NRXN3: variants seen among roughly 807,000 people sequenced by gnomAD.
NRXN3 encodes neurexin 3.
Under a neutral mutation model 137.6 loss-of-function variants are expected in NRXN3, and 32 were observed. That is an observed-to-expected ratio of 0.23 (90% confidence interval 0.18 to 0.31). The LOEUF (loss-of-function observed/expected upper bound fraction) is 0.31, where lower values mean the gene tolerates loss of function less well. Ranked by LOEUF, NRXN3 falls within the 10% of genes least tolerant of loss-of-function variation. The pLI is 1.00. For synonymous variants in NRXN3, 798 were observed against 784.5 expected (o/e 1.02, Z -0.29); for missense variants, 1,574 against 2,062.5 (o/e 0.76, Z 4.59).
intron 16 of NRXN3, among the ~76,000 whole-genome samples, chr14:79,637,342 A>G (rs894536324): frequency 4.6e-5 from 7 of 152,204 alleles, no homozygotes; most frequent in African/African-American, 1.7e-4. Flanking sequence ...GTTCATAATC[A>G]GGGTGTCCTG....
At chr14:79,205,456 C>T (rs185653552) in intron 15 of NRXN3, among the ~76,000 whole-genome samples, 1 of 152,076 alleles carries the variant, frequency 6.6e-6, no homozygotes, top group Non-Finnish European at 1.5e-5. Flanking sequence ...TGAACTGCTG[C>T]CTAAAAAGTT....
At chr14:78,178,226 G>T (rs2153344963) in intron 1 of NRXN3, among the ~76,000 whole-genome samples, 1 of 152,292 alleles carries the variant, frequency 6.6e-6, no homozygotes, top group East Asian at 1.9e-4. Context: ...CTGTCCTCTG[G>T]TTCCGCAAGT....
chr14:79,334,137 C>A (rs764845643), intron 15 of NRXN3, among the ~76,000 whole-genome samples: 3 of 152,064 alleles, frequency 2.0e-5, no homozygotes, highest in Non-Finnish European at 2.9e-5. Context: ...GGGCTAAAAA[C>A]AATATAAACT....
chr14:78,831,540 A>C (rs1424973057), intron 10 of NRXN3, among the ~76,000 whole-genome samples: 2 of 146,714 alleles, frequency 1.4e-5, no homozygotes, highest in Admixed American at 6.7e-5. Context: ...ATGTCAAAAA[A>C]AAAAAAAAAA....
chr14:79,157,766 T>C (rs769743971), intron 15 of NRXN3, among the ~76,000 whole-genome samples: 21 of 151,940 alleles, frequency 1.4e-4, no homozygotes, highest in Non-Finnish European at 2.5e-4. Flanking sequence ...CTAGGTACTT[T>C]GTTGGGAAGG....
chr14:78,811,736 A>G (rs116614879), intron 10 of NRXN3, among the ~76,000 whole-genome samples: 2,889 of 152,284 alleles, frequency 0.019, 95 homozygotes, highest in African/African-American at 0.065. Flanking sequence ...ATAAAGCCCA[A>G]TTCTACTTTT....
At chr14:79,641,823 T>C (rs2098435357) in intron 16 of NRXN3, among the ~76,000 whole-genome samples, 1 of 135,396 alleles carries the variant, frequency 7.4e-6, no homozygotes, top group Admixed American at 7.8e-5. Context: ...ATTTTGCAGG[T>C]CAATCTGCTT....
intron 17 of NRXN3, among the ~76,000 whole-genome samples, chr14:79,668,213 C>T (rs1370232054): frequency 1.3e-5 from 2 of 152,072 alleles, no homozygotes; most frequent in East Asian, 3.9e-4. Flanking sequence ...CATTAGAAAA[C>T]TCTCTTTATA....
At chr14:78,333,268 C>T (rs796496004) in intron 4 of NRXN3, among the ~76,000 whole-genome samples, 22 of 152,220 alleles carry the variant, frequency 1.4e-4, no homozygotes, top group African/African-American at 5.1e-4. Context: ...GGGAAATATA[C>T]AGTAAGGGAG....
chr14:78,722,420 G>A (rs2098464318), intron 8 of NRXN3, among the ~76,000 whole-genome samples: 1 of 152,214 alleles, frequency 6.6e-6, no homozygotes, highest in Non-Finnish European at 1.5e-5. Flanking sequence ...TAATTGAAAT[G>A]CTGCTAAATT....
intron 15 of NRXN3, among the ~76,000 whole-genome samples, chr14:79,003,783 C>T (rs1473031924): frequency 1.3e-5 from 2 of 152,166 alleles, no homozygotes; most frequent in Admixed American, 1.3e-4. Context: ...CTCCCTGTTA[C>T]TCAGGGGTGC....
At chr14:79,167,571 C>CT in intron 15 of NRXN3, among the ~76,000 whole-genome samples, 1 of 151,966 alleles carries the variant, frequency 6.6e-6, no homozygotes, top group Non-Finnish European at 1.5e-5. Flanking sequence ...ATCTGTTCTG[C>CT]TTTTTTAAAA....
intron 19 of NRXN3, among the ~76,000 whole-genome samples, chr14:79,779,115 T>C (rs2099106226): frequency 6.6e-6 from 1 of 152,208 alleles, no homozygotes; most frequent in South Asian, 2.1e-4. Context: ...ATTGTTGTTG[T>C]TGTTGTTTTC....
intron 16 of NRXN3, among the ~76,000 whole-genome samples, chr14:79,549,948 T>C (rs1365896965): frequency 6.9e-6 from 1 of 144,098 alleles, no homozygotes; most frequent in Non-Finnish European, 1.5e-5. Flanking sequence ...AGGTTACTTC[T>C]CATATTGTTG....
At chr14:78,292,923 G>T (rs1479602998) in intron 3 of NRXN3, among the ~76,000 whole-genome samples, 1 of 152,250 alleles carries the variant, frequency 6.6e-6, no homozygotes, top group Non-Finnish European at 1.5e-5. Flanking sequence ...CATGCATTTT[G>T]ACCCCGTTTC....
intron 10 of NRXN3, among the ~76,000 whole-genome samples, chr14:78,942,591 G>A (rs1053577482): frequency 5.3e-5 from 8 of 152,088 alleles, no homozygotes; most frequent in Admixed American, 1.3e-4. Context: ...GAAATAAAAC[G>A]TAGAACAGAG....
At chr14:79,079,310 T>C (rs2046496249) in intron 15 of NRXN3, among the ~76,000 whole-genome samples, 2 of 152,206 alleles carry the variant, frequency 1.3e-5, no homozygotes, top group South Asian at 4.1e-4. Context: ...AAAACTGTCA[T>C]AGTAAAATAC....
chr14:79,866,457 A>C lies in NRXN3; in HGVS notation c.*4493A>C. ...GTGACATTTTGGTAAACCTTGGAAAACTGATAGGCAGAAATAAGGGCTGTA... is the reference window on the plus strand; with the variant it reads ...GTGACATTTTGGTAAACCTTGGAAACCTGATAGGCAGAAATAAGGGCTGTA... On this transcript the variant is annotated 3_prime_UTR_variant, in exon 21 of 21. Transcript: ENST00000335750. 1 of 152,150 alleles carries C rather than the reference A, an allele frequency of 6.6e-6. No homozygotes were observed. Among genetic ancestry groups the C allele is most frequent in the African/African-American group, 2.4e-5 (1 of 41,432 alleles). 9.4% of individuals were successfully genotyped at this position (152,150 alleles called of 1,614,324 possible).
intron 4 of NRXN3, among the ~76,000 whole-genome samples, chr14:78,571,612 G>A (rs1443709965): frequency 6.6e-6 from 1 of 152,148 alleles, no homozygotes; most frequent in Non-Finnish European, 1.5e-5. Flanking sequence ...ACATTCTTGG[G>A]TATTTAGAAT....
Sources: allele counts gnomAD v4.1 joint callset (sites outside exome capture counted in the v4.1 genomes callset), GRCh38; gene constraint gnomAD v4.1.1; transcripts MANE v1.5; gene names NCBI Gene and HGNC (gene_info 2026-07-23, HGNC 2026-07-21).